Variants in PKD1 observed in about 807,000 individuals in gnomAD.
PKD1 encodes polycystin 1, transient receptor potential channel interacting.
A neutral mutation model predicts 361.7 loss-of-function variants in PKD1; 81 were observed. The ratio of observed to expected loss-of-function variants is 0.22; its 90% CI spans 0.19 to 0.27. The LOEUF (loss-of-function observed/expected upper bound fraction) is 0.27. Ranked by LOEUF, PKD1 falls within the 10% of genes least tolerant of loss-of-function variation. PKD1 has a pLI of 1.00. For missense variants in PKD1, 6,399 were observed against 6,118.3 expected (o/e 1.05, Z -1.53); for synonymous variants, 3,615 against 2,818.3 (o/e 1.28, Z -8.95).
rs149879790 is a variant in PKD1, at chr16:2,104,550, G to C, written c.8109C>G (p.Thr2703=). ...TGGCGGTGGGCGTCACGGTGCCCGCGGTGGTCTCTGCCTGCAGGATGAGCA... is the reference window on the plus strand; with the variant it reads ...TGGCGGTGGGCGTCACGGTGCCCGCCGTGGTCTCTGCCTGCAGGATGAGCA... ...AMMLILQAET[T]AGTVTPTAIG... is the part of the protein sequence containing the mutation. Residue 2703 remains threonine, a synonymous_variant, in exon 22 of 46, where the codon ACC becomes ACG. Transcript: ENST00000262304. 1 of 1,591,108 alleles carries C rather than the reference G, an allele frequency of 6.3e-7. No individual in the cohort carries two copies. Among genetic ancestry groups the C allele is most frequent in the East Asian group, 2.3e-5 (1 of 44,204 alleles).
chr16:2,106,188 C>T lies in PKD1; in HGVS notation c.7606G>A (p.Gly2536Arg), dbSNP rs778961528. 20 of 1,609,992 alleles carry T rather than the reference C, an allele frequency of 1.2e-5. 1 individual carries two copies. In the East Asian group the frequency reaches 2.2e-4, roughly 18 times the overall value. The change falls in exon 19 of 46, where the codon GGA becomes AGA. Residue 2536 changes from glycine (G) to arginine (R), a missense_variant. Coordinates refer to ENST00000262304, the MANE Select transcript of PKD1 (RefSeq NM_001009944.3). The surrounding 1 kb of genome is among the most constrained non-coding windows in gnomAD (Gnocchi z 6.5). ...CTGAAACCCGGGGGCAGCACGGCTCCGTAGCTGGAGAGGCTGCCCTTGTAG... is the reference window on the plus strand; with the variant it reads ...CTGAAACCCGGGGGCAGCACGGCTCTGTAGCTGGAGAGGCTGCCCTTGTAG... ...CVYKGSLSSY[G>R]AVLPPGFRPH...
In PKD1 at chr16:2,099,704, G is replaced by A. The variant is rs770635587; in HGVS notation, c.9990C>T (p.Ser3330=). 113 of 1,589,288 alleles carry A rather than the reference G, an allele frequency of 7.1e-5. No individual in the cohort carries two copies. The highest frequency in any genetic ancestry group is 1.1e-4 in the African/African-American group (8 of 74,490). ...VDTVAVGLVS[S]VVVYPVYLAI... is the part of the protein sequence containing the mutation. ...CCAGGTAGACGGGATAGACAACCAC[G>A]CTGGACACCAGGCCAACAGCGACTG... Residue 3330 remains serine (S), a synonymous_variant, in exon 30 of 46, where the codon AGC becomes AGT. Transcript: ENST00000262304.
Position 2,114,259 on chromosome 16 carries a change from G to T in PKD1, c.2764C>A (p.Leu922Ile), listed in dbSNP as rs1290050535. ...VVENSASRAN[L>I]SLRVTAEEPI... is the part of the protein sequence containing the mutation. ...TCCTCCGCCGTCACCCGCAGGCTGA[G>T]GTTGGCCCGGCTGGCGCTGTTTTCC... The change falls in exon 11 of 46, where the codon CTC becomes ATC. Residue 922 changes from leucine to isoleucine, a missense_variant. Transcript: ENST00000262304. 7 of 1,610,362 alleles carry T rather than the reference G, an allele frequency of 4.3e-6. No homozygotes were observed.
Position 2,109,591 on chromosome 16 carries a change from G to A in PKD1, c.5576C>T (p.Ala1859Val), listed in dbSNP as rs767312175. 2.5e-6 allele frequency: 4 copies of A among 1,611,180 alleles called. No individual in the cohort carries two copies. Among genetic ancestry groups the A allele is most frequent in the Non-Finnish European group, 3.4e-6 (4 of 1,179,386 alleles). Residue 1859 changes from alanine (A) to valine (V), a missense_variant, in exon 15 of 46, where the codon GCT becomes GTT. By Grantham distance (64) the Ala-to-Val change is moderately conservative. Coordinates refer to ENST00000262304, the MANE Select transcript of PKD1 (RefSeq NM_001009944.3). ...ATTGAGCCGGATGGAGAAGGTGCCA[G>A]CATCCGGGAAGACCATGGTGACATG... Reference protein sequence around the residue: ...GPHVTMVFPDAGTFSIRLNAS... With the variant: ...GPHVTMVFPDVGTFSIRLNAS...
In PKD1 at chr16:2,108,038, G is replaced by T; in HGVS notation, c.6916-6C>A. The T allele has an allele frequency of 1.3e-6, 2 of 1,561,064 alleles. No homozygotes were observed. Among genetic ancestry groups the T allele is most frequent in the Non-Finnish European group, 1.7e-6 (2 of 1,154,754 alleles). ...GCACACCCGCCAGCCTCCCTCTGCA[G>T]GCCGAGAACAAGGGGCGACGTGGCC... On this transcript the variant is annotated splice_polypyrimidine_tract_variant and splice_region_variant and intron_variant, in intron 15 of 45. Coordinates refer to ENST00000262304, the MANE Select transcript of PKD1 (RefSeq NM_001009944.3).
rs2091440206 is a variant in PKD1, at chr16:2,090,392, A to G, written c.12337T>C (p.Leu4113=). 1.2e-6 allele frequency: 2 copies of G among 1,612,614 alleles called. No homozygotes were observed. The highest frequency in any genetic ancestry group is 2.2e-5 in the South Asian group (2 of 91,082). The change falls in exon 45 of 46, where the codon TTG becomes CTG. Residue 4113 remains leucine, a synonymous_variant. Transcript: ENST00000262304. ...GCCGGCCGGTACAGCTCTCCACGCAAGGCGTGGTAGCGCCAGCGGAGAATA... is the reference window on the plus strand; with the variant it reads ...GCCGGCCGGTACAGCTCTCCACGCAGGGCGTGGTAGCGCCAGCGGAGAATA... The part of the protein sequence containing the change: ...AVILRWRYHA[L]RGELYRPAWE...
chr16:2,088,829 C>A lies in PKD1; in HGVS notation c.*898G>T, dbSNP rs183689703. 7 of 633,566 alleles carry A rather than the reference C, an allele frequency of 1.1e-5. No individual in the cohort carries two copies. In the East Asian group the frequency reaches 2.0e-4, roughly 18 times the overall value. The allele number at this position is 633,566 out of a possible 1,614,324, so 39.2% of individuals were successfully genotyped here. On this transcript the variant is annotated 3_prime_UTR_variant, in exon 46 of 46. Transcript: ENST00000262304. ...ACACAGAAGCAGGCACAGCCAGCTC[C>A]GAGGGCCTTGAGGCTGCCTGGGCCA...
chr16:2,118,155 C>T lies in PKD1; in HGVS notation c.837G>A (p.Gly279=), dbSNP rs372124319. 2,139 of 1,581,796 alleles carry T rather than the reference C, an allele frequency of 1.4e-3. 28 individuals are homozygous for T. The Admixed American group carries it at 0.03, about 22-fold the overall frequency. The change falls in exon 5 of 46, where the codon GGG becomes GGA. Residue 279 remains glycine (G), a synonymous_variant. Coordinates refer to ENST00000262304, the MANE Select transcript of PKD1 (RefSeq NM_001009944.3). This position sits in a 1 kb window ranked among gnomAD's most constrained non-coding sequence, Gnocchi z 6.0. ...GGCCAGAGGCCAGAGGTCCGTGGGGCCCCACCAGGGTGGCCCCTGGGGAGG... is the reference window on the plus strand; with the variant it reads ...GGCCAGAGGCCAGAGGTCCGTGGGGTCCCACCAGGGTGGCCCCTGGGGAGG... ...FPASPGATLV[G]PHGPLASGQL...
chr16:2,106,957 G>T lies in PKD1; in HGVS notation c.7066-9C>A, dbSNP rs760654069. On this transcript the variant is annotated splice_polypyrimidine_tract_variant and intron_variant, in intron 16 of 45. Coordinates refer to ENST00000262304, the MANE Select transcript of PKD1 (RefSeq NM_001009944.3). The surrounding 1 kb of genome is among the most constrained non-coding windows in gnomAD (Gnocchi z 6.5). ...CCACTCCGGATCAGCACCTGGCGTGGGAGTGGGGTTACCTCCAACACAGGT... is the reference window on the plus strand; with the variant it reads ...CCACTCCGGATCAGCACCTGGCGTGTGAGTGGGGTTACCTCCAACACAGGT... 46 of 1,584,816 alleles carry T rather than the reference G, an allele frequency of 2.9e-5. No individual in the cohort carries two copies. In the East Asian group the frequency reaches 7.1e-4, roughly 25 times the overall value.
In PKD1 at chr16:2,118,755, G is replaced by A. The variant is rs759627562; in HGVS notation, c.450C>T (p.Pro150=). 1.3e-5 allele frequency: 18 copies of A among 1,434,726 alleles called. No individual in the cohort carries two copies. The highest frequency in any genetic ancestry group is 1.2e-4 in the South Asian group (10 of 85,384). 88.9% of individuals were successfully genotyped at this position (1,434,726 alleles called of 1,614,324 possible). A position where few individuals can be genotyped will look rare whatever the true frequency, so the allele number is the denominator to read the frequency against. The change falls in exon 4 of 46, where the codon CCC becomes CCT. Residue 150 remains proline (P), a synonymous_variant. Transcript: ENST00000262304. The surrounding 1 kb of genome is among the most constrained non-coding windows in gnomAD (Gnocchi z 6.0). ...CAGGCCCAGCACACGTGGCTGCCTC[G>A]GGCTGCACCACCCGCACCTGCTGCT... The part of the protein sequence containing the change: ...AEEQQVRVVQ[P]EAATCAGPGS...
chr16:2,123,515 G>A (rs773341011), intron 1 of PKD1: 11 of 456,288 alleles, frequency 2.4e-5, no homozygotes, highest in South Asian at 6.2e-5. Flanking sequence ...TGCCATCGCC[G>A]TTCTGGGGGA....
Position 2,108,930 on chromosome 16 carries a change from A to G in PKD1, c.6237T>C (p.Phe2079=). The part of the protein sequence containing the change: ...GPCFTNRSAQ[F]EAATSPSPRR... ...GGGGGCTGGGGCTGGTGGCGGCCTC[A>G]AACTGCGCCGAGCGGTTGGTGAAGC... Residue 2079 remains phenylalanine, a synonymous_variant, in exon 15 of 46, where the codon TTT becomes TTC. Coordinates refer to ENST00000262304, the MANE Select transcript of PKD1 (RefSeq NM_001009944.3). 2 of 1,599,498 alleles carry G rather than the reference A, an allele frequency of 1.3e-6. No individual in the cohort carries two copies. The highest frequency in any genetic ancestry group is 1.7e-6 in the Non-Finnish European group (2 of 1,174,860).
intron 1 of PKD1, among the ~76,000 whole-genome samples, chr16:2,128,953 T>A (rs890306133): frequency 4.0e-4 from 61 of 152,036 alleles, no homozygotes; most frequent in Non-Finnish European, 6.8e-4. Flanking sequence ...AACCTCCGCC[T>A]CCCGGGTTCA....
intron 16 of PKD1, chr16:2,107,383 C>A: frequency 2.7e-6 from 1 of 364,000 alleles, no homozygotes; most frequent in Non-Finnish European, 5.3e-6. Context: ...CTCAGACGAC[C>A]CCTCTGGGAA....
intron 13 of PKD1, 41 bp from the exon 14 acceptor site, chr16:2,112,514 G>A (rs1414069331): frequency 6.4e-6 from 10 of 1,566,954 alleles, no homozygotes; most frequent in Non-Finnish European, 8.6e-6. Context: ...CCGGGACAGG[G>A]GTGGGCGGTG....
Position 2,093,022 on chromosome 16 carries a change from C to A in PKD1, c.11088G>T (p.Gly3696=). ...LASYGDASCH[G]HAYRLQSAIK... ...TGGCGCTTTGCAGACGGTAGGCGTG[C>A]CCATGGCATGAGGCATCCCCATAGC... Residue 3696 remains glycine (G), a synonymous_variant, in exon 38 of 46, where the codon GGG becomes GGT. Transcript: ENST00000262304. 1.9e-6 allele frequency: 3 copies of A among 1,612,934 alleles called. No homozygotes were observed. The highest frequency in any genetic ancestry group is 2.5e-6 in the Non-Finnish European group (3 of 1,179,972).
rs528984834 is a variant in PKD1, at chr16:2,111,194, G to A, written c.3973C>T (p.Leu1325Phe). The change falls in exon 15 of 46, where the codon CTC (leucine) becomes TTC (phenylalanine). Residue 1325 changes from leucine (L) to phenylalanine (F), a missense_variant. Physicochemically the swap from Leu to Phe is conservative, Grantham distance 22. Coordinates refer to ENST00000262304, the MANE Select transcript of PKD1 (RefSeq NM_001009944.3). Reference sequence around the variant, plus strand: ...CCATCCCCGAAGGTCCAGTCGAAGAGGTAGTGGGCCGGGTTCCCGGTGACG... The same window carrying A: ...CCATCCCCGAAGGTCCAGTCGAAGAAGTAGTGGGCCGGGTTCCCGGTGACG... ...AYVTGNPAHYLFDWTFGDGSS... is the reference protein window; with the variant it reads ...AYVTGNPAHYFFDWTFGDGSS... 6.2e-7 allele frequency: 1 copy of A among 1,611,554 alleles called. No individual in the cohort carries two copies. The highest frequency in any genetic ancestry group is 1.1e-5 in the South Asian group (1 of 91,028).
At chr16:2,092,212 C>G (rs775572628) in intron 39 of PKD1, 24 bp from the exon 40 acceptor site, 2 of 1,566,902 alleles carry the variant, frequency 1.3e-6, no homozygotes, top group South Asian at 2.3e-5. Flanking sequence ...AGCCCCAGGC[C>G]GGGGCCAGGG....
chr16:2,109,214 C>T lies in PKD1; in HGVS notation c.5953G>A (p.Ala1985Thr), dbSNP rs771005067. The change falls in exon 15 of 46, where the codon GCC becomes ACC. Residue 1985 changes from alanine (A) to threonine (T), a missense_variant. Physicochemically the swap from Ala to Thr is moderately conservative, Grantham distance 58 (BLOSUM62 0). Transcript: ENST00000262304. ...QVPNCCEPGI[A>T]TGTERNFTAR... ...GTGAAGTTCCTCTCAGTGCCCGTGGCGATGCCAGGCTCGCAGCAGTTGGGC... is the reference window on the plus strand; with the variant it reads ...GTGAAGTTCCTCTCAGTGCCCGTGGTGATGCCAGGCTCGCAGCAGTTGGGC... The T allele has an allele frequency of 1.9e-6, 3 of 1,593,980 alleles. No individual in the cohort carries two copies. The highest frequency in any genetic ancestry group is 2.6e-6 in the Non-Finnish European group (3 of 1,169,198).
Sources: allele counts gnomAD v4.1 joint callset (sites outside exome capture counted in the v4.1 genomes callset), GRCh38; gene constraint gnomAD v4.1.1; non-coding constraint Gnocchi (gnomAD v3.1); transcripts MANE v1.5; gene names NCBI Gene and HGNC (gene_info 2026-07-23, HGNC 2026-07-21).